The following NSD2 variants were observed in gnomAD, a reference collection of about 807,000 sequenced individuals.
The protein encoded by NSD2 is histone-lysine N-methyltransferase NSD2.
A neutral mutation model predicts 139.0 loss-of-function variants in NSD2; 12 were observed. That is an observed-to-expected ratio of 0.09 (90% CI 0.06 to 0.14). The LOEUF is 0.14. Ranked by LOEUF, NSD2 falls within the 10% of genes least tolerant of loss-of-function variation. The pLI is 1.00. For missense variants in NSD2, 1,155 were observed against 1,745.0 expected (o/e 0.66, Z 6.02); for synonymous variants, 669 against 648.7 (o/e 1.03, Z -0.48).
chr4:1,957,572 G>A (rs974701534), intron 15 of NSD2, among the ~76,000 whole-genome samples: 1 of 151,862 alleles, frequency 6.6e-6, no homozygotes, highest in African/African-American at 2.4e-5. Flanking sequence ...ACAGGCGTGA[G>A]CCACTGCACC....
chr4:1,888,853 A>G (rs1715317621), intron 1 of NSD2, among the ~76,000 whole-genome samples: 1 of 151,512 alleles, frequency 6.6e-6, no homozygotes, highest in African/African-American at 2.4e-5. Context: ...GGCGTGAGCC[A>G]CCACGCCTGG....
Position 1,965,940 on chromosome 4 carries a change from C to T in NSD2, c.3372+4789C>T, listed in dbSNP as rs1725841090. Among the ~76,000 whole-genome samples, 3 of 152,216 alleles carry T rather than the reference C, an allele frequency of 2.0e-5. No homozygotes were observed. The South Asian group carries it at 6.2e-4, about 32-fold the overall frequency. ...CACCTGAGGATTACAATTCAAGATG[C>T]GATTTGGGTGGGGACACAAAGCTAA... On this transcript the variant is annotated intron_variant, in intron 18 of 21. Transcript: ENST00000508803.
At chr4:1,915,390 A>G (rs1020297529) in intron 3 of NSD2, among the ~76,000 whole-genome samples, 5 of 152,064 alleles carry the variant, frequency 3.3e-5, no homozygotes, top group African/African-American at 4.8e-5. Flanking sequence ...CTGGGATTAC[A>G]GGCTTGAGCC....
At chr4:1,933,815 T>C (rs190871065) in intron 6 of NSD2, among the ~76,000 whole-genome samples, 189 of 152,318 alleles carry the variant, frequency 1.2e-3, no homozygotes, top group Admixed American at 0.012. Context: ...AAATTAATCA[T>C]CTCTGTAGAA....
chr4:1,912,220 T>G (rs970839696), intron 3 of NSD2: 8 of 240,636 alleles, frequency 3.3e-5, no homozygotes, highest in Non-Finnish European at 5.2e-5. Context: ...TCTTTCATCA[T>G]TTTCTTCTAC....
intron 7 of NSD2, 50 bp from the exon 8 acceptor site, chr4:1,938,401 C>CTTTTTTTTTTGTTTGTTTTT: frequency 1.1e-6 from 1 of 872,426 alleles, no homozygotes; most frequent in Non-Finnish European, 1.4e-6. Flanking sequence ...TTTTTCTTTT[C>CTTTTTTTTTTGTTTGTTTTT]TTTTTTTTTT....
chr4:1,975,469 C>A (rs111735900), intron 20 of NSD2, 69 bp downstream of exon 20: 3 of 1,403,402 alleles, frequency 2.1e-6, no homozygotes, highest in Admixed American at 1.8e-5. Context: ...AGACCTGTGT[C>A]CCCCGTGAAC....
Position 1,955,736 on chromosome 4 carries a change from C to T in NSD2, c.2562C>T (p.His854=), listed in dbSNP as rs149758603. The T allele has an allele frequency of 1.9e-6, 3 of 1,613,976 alleles. No individual in the cohort carries two copies. In the African/African-American group the frequency reaches 4.0e-5, roughly 22 times the overall value. ...GTGAGTCCTGCCCAGCGGCCTTCCA[C>T]CCTGACTGCCTGAACATCGAGATGC... is the stretch of plus-strand genomic sequence containing the variant. ...LCCESCPAAF[H]PDCLNIEMPD... Residue 854 remains histidine (H), a synonymous_variant, in exon 14 of 22, where the codon CAC becomes CAT. Coordinates refer to ENST00000508803, the MANE Select transcript of NSD2 (RefSeq NM_001042424.3). This position sits in a 1 kb window ranked among gnomAD's most constrained non-coding sequence, Gnocchi z 4.7.
At position 1,978,801 on chromosome 4, in the gene NSD2, G is replaced by A. The variant is rs763826395; in HGVS notation, c.3990G>A (p.Ala1330=). 1.2e-6 allele frequency: 2 copies of A among 1,612,608 alleles called. No homozygotes were observed. Among genetic ancestry groups the A allele is most frequent in the Non-Finnish European group, 1.7e-6 (2 of 1,178,902 alleles). Residue 1330 remains alanine (A), a synonymous_variant, in exon 22 of 22, where the codon GCG becomes GCA. Transcript: ENST00000508803. ...ACTGCTGTGAGCATGACTTAGGGGC[G>A]GCATCGGTCAGAAGCACCAAGACTG... ...RSYCCEHDLG[A]ASVRSTKTEK...
At chr4:1,978,250 G>C (rs1377379711) in intron 21 of NSD2, among the ~76,000 whole-genome samples, 1 of 152,214 alleles carries the variant, frequency 6.6e-6, no homozygotes, top group Non-Finnish European at 1.5e-5. Context: ...AGCTTTTACA[G>C]AGTCATGCCA....
chr4:1,939,878 A>G (rs950735828), intron 9 of NSD2, 100 bp downstream of exon 9: 76 of 1,591,172 alleles, frequency 4.8e-5, no homozygotes, highest in Admixed American at 1.0e-4. Context: ...TAAGCGCAGC[A>G]TTGGTGCTCA....
Position 1,942,841 on chromosome 4 carries a change from G to C in NSD2, c.1881+3063G>C. ...ACGTTAGGAGGAGTCCTCATCAGCT[G>C]TTCTCATTGCCAGTGAGATATATTC... On this transcript the variant is annotated intron_variant, in intron 9 of 21. Transcript: ENST00000508803. This position sits in a 1 kb window ranked among gnomAD's most constrained non-coding sequence, Gnocchi z 4.0. 9.4e-7 allele frequency: 1 copy of C among 1,066,288 alleles called. No individual in the cohort carries two copies. Among genetic ancestry groups the C allele is most frequent in the East Asian group, 5.1e-5 (1 of 19,708 alleles). 66.1% of individuals were successfully genotyped at this position (1,066,288 alleles called of 1,614,324 possible).
chr4:1,903,293 C>T (rs1717433464), intron 2 of NSD2, among the ~76,000 whole-genome samples: 1 of 152,202 alleles, frequency 6.6e-6, no homozygotes, highest in African/African-American at 2.4e-5. Flanking sequence ...GTGCTTATTT[C>T]CACTGGAGAG....
At chr4:1,912,475 A>G (rs1718811439) in intron 3 of NSD2, among the ~76,000 whole-genome samples, 1 of 152,156 alleles carries the variant, frequency 6.6e-6, no homozygotes, top group Non-Finnish European at 1.5e-5. Flanking sequence ...TTCCCTTGGA[A>G]TTAATTACTG....
chr4:1,950,362 T>A (rs1339034239), intron 9 of NSD2, among the ~76,000 whole-genome samples: 1 of 152,212 alleles, frequency 6.6e-6, no homozygotes, highest in Non-Finnish European at 1.5e-5. Flanking sequence ...CCAGGCCTTT[T>A]ACCTAGACTC....
At chr4:1,946,771 A>T in intron 9 of NSD2, 3 of 1,049,904 alleles carry the variant, frequency 2.9e-6, no homozygotes, top group Non-Finnish European at 3.5e-6. Flanking sequence ...TCTGATTCCT[A>T]TACTGGATGA....
intron 18 of NSD2, among the ~76,000 whole-genome samples, chr4:1,961,364 C>T (rs1339440389): frequency 6.6e-6 from 1 of 152,216 alleles, no homozygotes; most frequent in Non-Finnish European, 1.5e-5. Flanking sequence ...CCCAGGCACC[C>T]TGAGGCTCTG....
chr4:1,889,180 G>C (rs1478396926), intron 1 of NSD2, among the ~76,000 whole-genome samples: 2 of 152,166 alleles, frequency 1.3e-5, no homozygotes, highest in Non-Finnish European at 2.9e-5. Flanking sequence ...TTACAGGCGT[G>C]AGCCACTGCG....
At chr4:1,900,546 T>C in intron 1 of NSD2, 80 bp from the exon 2 acceptor site, 1 of 905,804 alleles carries the variant, frequency 1.1e-6, no homozygotes, top group East Asian at 2.6e-5. Context: ...CCCACAAAGC[T>C]GTAGAGGTCC....
Sources: allele counts gnomAD v4.1 joint callset (sites outside exome capture counted in the v4.1 genomes callset), GRCh38; gene constraint gnomAD v4.1.1; non-coding constraint Gnocchi (gnomAD v3.1); transcripts MANE v1.5; gene names NCBI Gene and HGNC (gene_info 2026-07-23, HGNC 2026-07-21).